DOK6: variants seen among roughly 807,000 people sequenced by gnomAD.
DOK6 encodes docking protein 6.
Under a neutral mutation model 44.0 loss-of-function variants are expected in DOK6, and 22 were observed. The ratio of observed to expected loss-of-function variants is 0.50; its 90% CI spans 0.36 to 0.71. The LOEUF (loss-of-function observed/expected upper bound fraction) is 0.71, where lower values mean the gene tolerates loss of function less well. Among genes scored for constraint, DOK6 ranks in the 30% least tolerant of loss-of-function variants. DOK6 has a pLI of 0.00. For synonymous variants in DOK6, 166 were observed against 145.5 expected, an observed-to-expected ratio of 1.14 and a Z score of -1.01; for missense variants, 340 against 416.4, an observed-to-expected ratio of 0.82 and a Z score of 1.60.
chr18:69,635,937 G>A (rs1984796596), intron 3 of DOK6, among the ~76,000 whole-genome samples: 1 of 152,196 alleles, frequency 6.6e-6, no homozygotes, highest in South Asian at 2.1e-4. Context: ...GCAAGAAAGG[G>A]CTCTTCAGCA....
At chr18:69,557,070 C>A (rs1011064826) in intron 1 of DOK6, among the ~76,000 whole-genome samples, 4 of 152,166 alleles carry the variant, frequency 2.6e-5, no homozygotes, top group African/African-American at 9.7e-5. Context: ...AATAATAAAT[C>A]TTATTCCCCA....
At chr18:69,565,274 G>A (rs1028259556) in intron 2 of DOK6, among the ~76,000 whole-genome samples, 1 of 151,986 alleles carries the variant, frequency 6.6e-6, no homozygotes, top group African/African-American at 2.4e-5. Context: ...ATTTCTCATT[G>A]GTCATACATG....
intron 7 of DOK6, among the ~76,000 whole-genome samples, chr18:69,814,033 G>A (rs111662670): frequency 6.6e-6 from 1 of 152,010 alleles, no homozygotes; most frequent in Non-Finnish European, 1.5e-5. Flanking sequence ...GCCAAAGGGA[G>A]GAGACACCAG....
At chr18:69,704,665 G>C (rs999286732) in intron 5 of DOK6, among the ~76,000 whole-genome samples, 4 of 152,082 alleles carry the variant, frequency 2.6e-5, no homozygotes, top group Non-Finnish European at 2.9e-5. Flanking sequence ...ATTTTTACTA[G>C]AGACGGGGTT....
At chr18:69,764,604 C>T (rs1332992601) in intron 7 of DOK6, among the ~76,000 whole-genome samples, 1 of 152,152 alleles carries the variant, frequency 6.6e-6, no homozygotes, top group Non-Finnish European at 1.5e-5. Context: ...TGTAAGTTTC[C>T]TGAGGCCTTC....
intron 1 of DOK6, among the ~76,000 whole-genome samples, chr18:69,512,422 C>A (rs906298067): frequency 6.7e-6 from 1 of 148,446 alleles, no homozygotes; most frequent in Non-Finnish European, 1.5e-5. Context: ...TGGCTCACTG[C>A]AGCCTCCCCC....
chr18:69,616,916 C>T (rs1320306920), intron 3 of DOK6, among the ~76,000 whole-genome samples: 1 of 152,160 alleles, frequency 6.6e-6, no homozygotes, highest in Non-Finnish European at 1.5e-5. Context: ...TGAATGAGGA[C>T]TTAAAAATAT....
At chr18:69,626,883 T>G (rs7234395) in intron 3 of DOK6, among the ~76,000 whole-genome samples, 109 of 152,320 alleles carry the variant, frequency 7.2e-4, no homozygotes, top group African/African-American at 2.4e-3. Context: ...AGTTACCAGT[T>G]TTCTAAAGTA....
Position 69,677,785 on chromosome 18 carries a change from C to T in DOK6, c.341C>T (p.Thr114Ile). Residue 114 changes from threonine (T) to isoleucine (I), a missense_variant, in exon 4 of 8, where the codon ACC becomes ATC. This residue lies in a region of DOK6 where 206 missense variants were observed against 258.6 expected (regional missense o/e 0.80). Coordinates refer to ENST00000382713, the MANE Select transcript of DOK6 (RefSeq NM_152721.6). ...CKHLCMECLG[T>I]RLNDISLGEP... ...CACCTCTGCATGGAGTGTCTGGGGA[C>T]CAGGCTCAATGATATCAGCCTTGGG... 6.2e-7 allele frequency: 1 copy of T among 1,613,782 alleles called. No homozygotes were observed.
chr18:69,598,893 A>G (rs1041820645), intron 2 of DOK6, among the ~76,000 whole-genome samples: 2 of 152,070 alleles, frequency 1.3e-5, no homozygotes, highest in African/African-American at 4.8e-5. Context: ...GAGCAAGTCT[A>G]TTGCTCTAAA....
At chr18:69,729,887 G>T (rs925407028) in intron 5 of DOK6, among the ~76,000 whole-genome samples, 1 of 152,218 alleles carries the variant, frequency 6.6e-6, no homozygotes, top group South Asian at 2.1e-4. Flanking sequence ...TCTAATAAAG[G>T]CTTTCAAAAA....
At chr18:69,792,982 C>T (rs534154279) in intron 7 of DOK6, among the ~76,000 whole-genome samples, 44 of 152,196 alleles carry the variant, frequency 2.9e-4, no homozygotes, top group Non-Finnish European at 5.7e-4. Flanking sequence ...TGACAAAATG[C>T]ATTCAAATTT....
In DOK6 at chr18:69,455,059, T is replaced by TA. The variant is rs551002782; in HGVS notation, c.66+53759dup. ...ATGTACCCTAAAACTTAAAGTATAATAAAAAAAAAAGAAAAGAAAAGAAAA... is the reference window on the plus strand; with the variant it reads ...ATGTACCCTAAAACTTAAAGTATAATAAAAAAAAAAAGAAAAGAAAAGAAAA... On this transcript the variant is annotated intron_variant, in intron 1 of 7. Coordinates refer to ENST00000382713, the MANE Select transcript of DOK6 (RefSeq NM_152721.6). Among the ~76,000 whole-genome samples the TA allele has an allele frequency of 2.7e-3, 305 of 113,148 alleles. 1 individual carries two copies. The highest frequency in any genetic ancestry group is 7.4e-3 in the African/African-American group (218 of 29,476). The allele number at this position is 113,148 out of a possible 152,430, so 74.2% of individuals were successfully genotyped here. A position where few individuals can be genotyped will look rare whatever the true frequency, so the allele number is the denominator to read the frequency against.
chr18:69,818,306 A>T (rs1218507097), intron 7 of DOK6, among the ~76,000 whole-genome samples: 1 of 152,196 alleles, frequency 6.6e-6, no homozygotes, highest in Non-Finnish European at 1.5e-5. Flanking sequence ...GTGCTCTGAG[A>T]TGGCTGAGTT....
rs1004784645 is a variant in DOK6, at chr18:69,558,996, ATAACT to A, written c.67-5487_67-5483del. Among the ~76,000 whole-genome samples the A allele has an allele frequency of 1.4e-3, 209 of 152,286 alleles. 1 individual carries two copies. The highest frequency in any genetic ancestry group is 4.6e-3 in the African/African-American group (192 of 41,564). ...CTTATTCCAAGATTGAAAAAAAATA[ATAACT>A]TAAGGGCTTCAACTTGGTAAACAGT... is the stretch of plus-strand genomic sequence containing the variant. On this transcript the variant is annotated intron_variant, in intron 1 of 7. Transcript: ENST00000382713.
rs1294985660 is a variant in DOK6 at position 69,844,447 on chromosome 18, A to G, written c.*3064A>G. On this transcript the variant is annotated 3_prime_UTR_variant, in exon 8 of 8. Coordinates refer to ENST00000382713, the MANE Select transcript of DOK6 (RefSeq NM_152721.6). ...GATTACACGAGGGGACTTATTTTTT[A>G]TGTTCCCAATTTTTTCTTCTGATAA... is the stretch of plus-strand genomic sequence containing the variant. 1 of 152,108 alleles carries G rather than the reference A, an allele frequency of 6.6e-6. No individual in the cohort carries two copies. Among genetic ancestry groups the G allele is most frequent in the Non-Finnish European group, 1.5e-5 (1 of 68,016 alleles). 9.4% of individuals were successfully genotyped at this position (152,108 alleles called of 1,614,324 possible).
chr18:69,761,810 T>C (rs1423138207), intron 7 of DOK6, among the ~76,000 whole-genome samples: 1 of 152,114 alleles, frequency 6.6e-6, no homozygotes, highest in Non-Finnish European at 1.5e-5. Context: ...ACTAGGAAGG[T>C]ATCTGAGTCA....
intron 1 of DOK6, among the ~76,000 whole-genome samples, chr18:69,413,636 A>T (rs1978315744): frequency 6.6e-6 from 1 of 152,072 alleles, no homozygotes; most frequent in African/African-American, 2.4e-5. Context: ...AATATAAAAC[A>T]TAAAGCTATA....
At chr18:69,450,457 G>C (rs1979428397) in intron 1 of DOK6, among the ~76,000 whole-genome samples, 1 of 104,472 alleles carries the variant, frequency 9.6e-6, no homozygotes, top group Non-Finnish European at 1.9e-5. Context: ...AAGTGATGCG[G>C]AGAATGGAAC....
Sources: gnomAD v4.1 joint callset for allele counts (sites outside exome capture counted in the v4.1 genomes callset) on GRCh38, gnomAD v4.1.1 for gene constraint, gnomAD v4.1.1 regional missense constraint, MANE v1.5 for transcripts, NCBI Gene and HGNC (gene_info 2026-07-23, HGNC 2026-07-21) for gene names.